The following MX2 variants were observed in gnomAD, a reference collection of about 807,000 sequenced individuals.
MX2 encodes interferon-induced GTP-binding protein Mx2.
Under a neutral mutation model 74.0 loss-of-function variants are expected in MX2, and 51 were observed. The observed-to-expected ratio is 0.69, with a 90% CI of 0.55 to 0.87. The LOEUF is 0.87. Among genes scored for constraint, MX2 ranks in the 40% least tolerant of loss-of-function variants. The pLI, the probability that MX2 is intolerant of heterozygous loss-of-function variation, is 0.00. For missense variants in MX2, 832 were observed against 908.7 expected, an observed-to-expected ratio of 0.92 and a Z score of 1.09; for synonymous variants, 369 against 339.3, an observed-to-expected ratio of 1.09 and a Z score of -0.96.
rs1311701662 is a variant in MX2 at position 41,368,766 on chromosome 21, G to T, written c.-72+6711G>T. On this transcript the variant is annotated intron_variant, in intron 1 of 13. Transcript: ENST00000330714. The surrounding 1 kb of genome is among the most constrained non-coding windows in gnomAD (Gnocchi z 4.6). ...TCTTTCTTCCCATGGAGAGGAAGAA[G>T]TTGAGGCTGAGTTATCACCTCCCAT... Among the ~76,000 whole-genome samples the T allele has an allele frequency of 2.0e-5, 3 of 152,344 alleles. No homozygotes were observed. The South Asian group carries it at 6.2e-4, about 32-fold the overall frequency.
At chr21:41,371,558 A>G (rs1247654883) in intron 1 of MX2, among the ~76,000 whole-genome samples, 3 of 152,098 alleles carry the variant, frequency 2.0e-5, no homozygotes, top group Admixed American at 2.0e-4. Context: ...ATCCTTGACA[A>G]TGCTTAACTG....
At chr21:41,390,380 C>T in intron 5 of MX2, 185 bp from the exon 6 acceptor site, 2 of 707,068 alleles carry the variant, frequency 2.8e-6, no homozygotes, top group Non-Finnish European at 4.8e-6. Flanking sequence ...AGTGGGAGGT[C>T]ATCAGAGACC....
chr21:41,403,933 C>CT (rs35364290), intron 12 of MX2: 1 of 250,384 alleles, frequency 4.0e-6, no homozygotes, highest in Non-Finnish European at 8.0e-6. Flanking sequence ...TTCTTTCACC[C>CT]TTTTTGCCTG....
intron 10 of MX2, among the ~76,000 whole-genome samples, chr21:41,400,282 T>C (rs2089794282): frequency 1.3e-5 from 2 of 152,172 alleles, no homozygotes; most frequent in Admixed American, 1.3e-4. Flanking sequence ...GATGATCTGG[T>C]TTTAGCAATA....
At chr21:41,395,443 G>A in intron 6 of MX2, 144 bp from the exon 7 acceptor site, 2 of 661,282 alleles carry the variant, frequency 3.0e-6, no homozygotes, top group Non-Finnish European at 5.3e-6. Context: ...GGGCAATGAG[G>A]GAATGAGGAT....
chr21:41,398,472 A>G (rs1030194469), intron 8 of MX2, among the ~76,000 whole-genome samples: 2 of 152,252 alleles, frequency 1.3e-5, no homozygotes, highest in Non-Finnish European at 2.9e-5. Context: ...GAGAAATCGA[A>G]TATTTTTAGT....
At chr21:41,364,574 T>C (rs1406016527) in intron 1 of MX2, 1 of 152,280 alleles carries the variant, frequency 6.6e-6, no homozygotes, top group Non-Finnish European at 1.5e-5. Context: ...GTACCTGTTA[T>C]GGGTTGAACT....
intron 6 of MX2, among the ~76,000 whole-genome samples, chr21:41,393,471 ACTCCCTCCTTCCTGAAC>A (rs1240896621): frequency 6.7e-6 from 1 of 148,262 alleles, no homozygotes; most frequent in Non-Finnish European, 1.5e-5. Flanking sequence ...CCAGTTGCCC[ACTCCCTCCTTCCTGAAC>A]CTCCCTCCTT....
At chr21:41,362,524 G>GGGGCA (rs59665872) in intron 1 of MX2, among the ~76,000 whole-genome samples, 1 of 151,930 alleles carries the variant, frequency 6.6e-6, no homozygotes, top group African/African-American at 2.4e-5. Context: ...CTCATGGGGC[G>GGGGCA]GGGCAGGGCA....
At chr21:41,382,693 G>T in intron 5 of MX2, 129 bp downstream of exon 5, 3 of 1,235,776 alleles carry the variant, frequency 2.4e-6, no homozygotes, top group Middle Eastern at 2.7e-4. Context: ...GGTAAGACCT[G>T]CCCAGGTGGG....
Position 41,402,225 on chromosome 21 carries a change from C to T in MX2, c.1573+97C>T. 7.2e-7 allele frequency: 1 copy of T among 1,397,424 alleles called. No individual in the cohort carries two copies. The highest frequency in any genetic ancestry group is 9.7e-7 in the Non-Finnish European group (1 of 1,031,312). 86.6% of individuals were successfully genotyped at this position (1,397,424 alleles called of 1,614,324 possible). ...AGAGATTGGAATGGAGTTACCAAAC[C>T]AGCCTGCAGACACGCTCACTGGTGT... On this transcript the variant is annotated intron_variant, in intron 11 of 13. Transcript: ENST00000330714. The surrounding 1 kb of genome is among the most constrained non-coding windows in gnomAD (Gnocchi z 4.5).
At position 41,402,717 on chromosome 21, in the gene MX2, C is replaced by T. The variant is rs145951968; in HGVS notation, c.1574-550C>T. The T allele has an allele frequency of 6.1e-4, 97 of 158,764 alleles. No individual in the cohort carries two copies. In the Middle Eastern group the frequency reaches 0.017, roughly 27 times the overall value. 9.8% of individuals were successfully genotyped at this position (158,764 alleles called of 1,614,324 possible). A position where few individuals can be genotyped will look rare whatever the true frequency, so the allele number is the denominator to read the frequency against. ...ACACAGCTCACCAAAATATAGAATC[C>T]TCATTATGGTGGGAGCCCTCAGCTT... On this transcript the variant is annotated intron_variant, in intron 11 of 13. Coordinates refer to ENST00000330714, the MANE Select transcript of MX2 (RefSeq NM_002463.2). The surrounding 1 kb of genome is among the most constrained non-coding windows in gnomAD (Gnocchi z 4.5).
At chr21:41,382,586 G>T (rs1053875220) in intron 5 of MX2, 22 bp downstream of exon 5, 6 of 1,613,916 alleles carry the variant, frequency 3.7e-6, no homozygotes, top group Non-Finnish European at 5.1e-6. Flanking sequence ...TGGAATTTGG[G>T]ATTGGGCTCT....
At chr21:41,405,183 T>C (rs960490174) in intron 12 of MX2, among the ~76,000 whole-genome samples, 2 of 151,432 alleles carry the variant, frequency 1.3e-5, no homozygotes, top group African/African-American at 4.8e-5. Context: ...CACTTGAACC[T>C]GGGAGGCGGA....
intron 4 of MX2, among the ~76,000 whole-genome samples, chr21:41,381,381 T>G (rs1236591618): frequency 6.6e-6 from 1 of 151,938 alleles, no homozygotes; most frequent in African/African-American, 2.4e-5. Context: ...TGGTCAAAGT[T>G]TTGGGTAAGA....
At chr21:41,386,419 G>A (rs182316698) in intron 5 of MX2, among the ~76,000 whole-genome samples, 52 of 152,268 alleles carry the variant, frequency 3.4e-4, no homozygotes, top group Non-Finnish European at 5.7e-4. Flanking sequence ...GAGTTTAGAG[G>A]AGCAATGAAA....
intron 5 of MX2, among the ~76,000 whole-genome samples, chr21:41,387,727 C>A (rs933022641): frequency 6.6e-6 from 1 of 152,214 alleles, no homozygotes; most frequent in Admixed American, 6.5e-5. Context: ...AAGCCCAGCT[C>A]TCTCCCCTGA....
intron 6 of MX2, among the ~76,000 whole-genome samples, chr21:41,394,489 C>A (rs923682389): frequency 5.3e-5 from 8 of 152,202 alleles, no homozygotes; most frequent in Non-Finnish European, 1.2e-4. Flanking sequence ...CGGTCATTTG[C>A]CAGCACGTCA....
chr21:41,370,695 G>C (rs2145859046), intron 1 of MX2: 1 of 152,364 alleles, frequency 6.6e-6, no homozygotes, highest in South Asian at 2.1e-4. Context: ...CAGATCTAAA[G>C]GGATGTGAAA....
Sources: allele counts gnomAD v4.1 joint callset (sites outside exome capture counted in the v4.1 genomes callset), GRCh38; gene constraint gnomAD v4.1.1; non-coding constraint Gnocchi (gnomAD v3.1); transcripts MANE v1.5; gene names NCBI Gene and HGNC (gene_info 2026-07-23, HGNC 2026-07-21).